The following CEP112 variants were observed in gnomAD, a reference collection of about 807,000 sequenced individuals.
The protein encoded by CEP112 is centrosomal protein 112.
A neutral mutation model predicts 153.0 loss-of-function variants in CEP112; 127 were observed. That is an observed-to-expected ratio of 0.83 (90% CI 0.72 to 0.96). CEP112 has a LOEUF of 0.96. Ranked by LOEUF, CEP112 falls within the 40% of genes least tolerant of loss-of-function variation. The pLI is 0.00. For synonymous variants in CEP112, 358 were observed against 374.4 expected (o/e 0.96, Z 0.51); for missense variants, 1,089 against 1,101.2 (o/e 0.99, Z 0.16).
intron 17 of CEP112, among the ~76,000 whole-genome samples, chr17:66,004,283 C>A (rs2064180079): frequency 6.6e-6 from 1 of 151,842 alleles, no homozygotes; most frequent in Admixed American, 6.6e-5. Flanking sequence ...AGTTCGAGAC[C>A]AGCCTGACCA....
intron 18 of CEP112, among the ~76,000 whole-genome samples, chr17:65,948,230 T>C (rs1322239499): frequency 6.6e-6 from 1 of 152,216 alleles, no homozygotes; most frequent in African/African-American, 2.4e-5. Context: ...TTTGTTTTCA[T>C]GACAAACCAG....
intron 19 of CEP112, among the ~76,000 whole-genome samples, chr17:65,922,289 T>C (rs930458350): frequency 2.0e-5 from 3 of 152,128 alleles, no homozygotes; most frequent in Non-Finnish European, 4.4e-5. Flanking sequence ...TTATGGTTTA[T>C]GCTAATTACT....
intron 17 of CEP112, among the ~76,000 whole-genome samples, chr17:65,970,164 T>A (rs1229173006): frequency 6.6e-6 from 1 of 152,156 alleles, no homozygotes; most frequent in African/African-American, 2.4e-5. Flanking sequence ...ATAGCAAACA[T>A]GCATATTACA....
At chr17:66,113,064 C>T (rs959629518) in intron 6 of CEP112, among the ~76,000 whole-genome samples, 3 of 151,690 alleles carry the variant, frequency 2.0e-5, no homozygotes, top group East Asian at 1.9e-4. Flanking sequence ...AGCGAAACTC[C>T]GTCTCAAAAA....
intron 16 of CEP112, among the ~76,000 whole-genome samples, chr17:66,012,060 TC>T (rs1177365740): frequency 6.6e-6 from 1 of 152,220 alleles, no homozygotes; most frequent in African/African-American, 2.4e-5. Context: ...TTTTCTGTTT[TC>T]CATTTGCTTG....
rs530946469 is a variant in CEP112, at chr17:66,024,769, A to G, written c.1656+2732T>C. On this transcript the variant is annotated intron_variant, in intron 16 of 26. Transcript: ENST00000535342. ...CAATCCCTACCAAAATACCAATATA[A>G]TTTTTCTCAGACTTAGAAAAAACAA... is the stretch of plus-strand genomic sequence containing the variant. 7.6e-4 allele frequency among the ~76,000 whole-genome samples: 115 copies of G among 152,212 alleles called. 3 individuals are homozygous for G. The South Asian group carries it at 0.024, about 31-fold the overall frequency.
At chr17:66,184,798 A>AT (rs202033742) in intron 1 of CEP112, among the ~76,000 whole-genome samples, 5,185 of 152,170 alleles carry the variant, frequency 0.034, 131 homozygotes, top group Middle Eastern at 0.061. Context: ...TCCAAATGTG[A>AT]TTTTTTTTAA....
intron 21 of CEP112, among the ~76,000 whole-genome samples, chr17:65,819,548 A>G (rs72831444): frequency 0.22 from 33,226 of 151,872 alleles, 3,751 homozygotes; most frequent in South Asian, 0.26. Flanking sequence ...GAAATGAAAA[A>G]TGATTAATTT....
At chr17:65,974,075 TCTTA>T (rs966616807) in intron 17 of CEP112, among the ~76,000 whole-genome samples, 8 of 152,066 alleles carry the variant, frequency 5.3e-5, no homozygotes, top group South Asian at 2.1e-4. Flanking sequence ...TTCGCTGTTT[TCTTA>T]CTTCTTTTTT....
intron 20 of CEP112, among the ~76,000 whole-genome samples, chr17:65,884,766 G>T (rs1219175621): frequency 7.2e-6 from 1 of 138,862 alleles, no homozygotes; most frequent in African/African-American, 2.7e-5. Flanking sequence ...TGTCCAGGCT[G>T]GAGTGCAAGG....
chr17:66,023,759 T>C (rs1277311213), intron 16 of CEP112, among the ~76,000 whole-genome samples: 2 of 151,912 alleles, frequency 1.3e-5, no homozygotes, highest in African/African-American at 4.8e-5. Flanking sequence ...CTAGATAACA[T>C]TATAACAAGA....
At chr17:65,742,344 T>A (rs1385861684) in intron 23 of CEP112, among the ~76,000 whole-genome samples, 1 of 152,244 alleles carries the variant, frequency 6.6e-6, no homozygotes, top group African/African-American at 2.4e-5. Context: ...GGGAATTCTT[T>A]AAAAATTTTT....
At chr17:65,663,970 C>T (rs1399065120) in intron 24 of CEP112, among the ~76,000 whole-genome samples, 2 of 152,162 alleles carry the variant, frequency 1.3e-5, no homozygotes, top group Non-Finnish European at 2.9e-5. Flanking sequence ...GGCCTGAACC[C>T]GGGAGGCGGA....
intron 6 of CEP112, among the ~76,000 whole-genome samples, chr17:66,117,815 T>C (rs536646594): frequency 1.3e-5 from 2 of 152,288 alleles, no homozygotes; most frequent in East Asian, 1.9e-4. Context: ...CACAACTTAA[T>C]AGGGGGAAAA....
At chr17:66,003,418 A>G (rs1037022675) in intron 17 of CEP112, among the ~76,000 whole-genome samples, 2 of 152,190 alleles carry the variant, frequency 1.3e-5, no homozygotes, top group Non-Finnish European at 2.9e-5. Context: ...TCCTAATATC[A>G]CACTGAAACG....
At chr17:65,728,377 T>C (rs2050303114) in intron 23 of CEP112, among the ~76,000 whole-genome samples, 2 of 152,164 alleles carry the variant, frequency 1.3e-5, no homozygotes, top group Non-Finnish European at 2.9e-5. Context: ...AGTTGAATCA[T>C]ATACACATCA....
chr17:65,649,704 TA>T (rs1383605692), intron 24 of CEP112, among the ~76,000 whole-genome samples: 1 of 103,106 alleles, frequency 9.7e-6, no homozygotes, highest in Admixed American at 1.3e-4. Flanking sequence ...GGCAACTGAA[TA>T]AGACCCTGTC....
chr17:66,002,681 G>C (rs926146077), intron 17 of CEP112, among the ~76,000 whole-genome samples: 4 of 151,984 alleles, frequency 2.6e-5, no homozygotes, highest in Non-Finnish European at 5.9e-5. Flanking sequence ...TGTTTTTAAA[G>C]TATTTTGCTT....
chr17:65,734,715 T>C (rs1302472776), intron 23 of CEP112, among the ~76,000 whole-genome samples: 9 of 152,190 alleles, frequency 5.9e-5, no homozygotes, highest in African/African-American at 2.4e-5. Flanking sequence ...GATTGAAGAA[T>C]AGGAAGAAAA....
Sources: gnomAD v4.1 joint callset for allele counts (sites outside exome capture counted in the v4.1 genomes callset) on GRCh38, gnomAD v4.1.1 for gene constraint, MANE v1.5 for transcripts, NCBI Gene and HGNC (gene_info 2026-07-23, HGNC 2026-07-21) for gene names.